GALNT18: variants seen among roughly 807,000 people sequenced by gnomAD.
GALNT18 encodes polypeptide N-acetylgalactosaminyltransferase 18.
GALNT18 carries 44 observed loss-of-function variants against 69.5 expected under a neutral mutation model. The observed-to-expected ratio is 0.63, with a 90% CI of 0.50 to 0.81. The LOEUF (loss-of-function observed/expected upper bound fraction) is 0.81. Among genes scored for constraint, GALNT18 ranks in the 40% least tolerant of loss-of-function variants. The pLI is 0.00. For missense variants in GALNT18, 715 were observed against 810.0 expected (o/e 0.88, Z 1.42); for synonymous variants, 364 against 318.2 (o/e 1.14, Z -1.53).
chr11:11,367,398 T>C (rs1253057847), intron 6 of GALNT18, among the ~76,000 whole-genome samples: 2 of 152,188 alleles, frequency 1.3e-5, no homozygotes, highest in Non-Finnish European at 2.9e-5. Flanking sequence ...GGGTAAAGCT[T>C]AGATATTCAG....
At chr11:11,422,161 C>T (rs1478839682) in intron 3 of GALNT18, among the ~76,000 whole-genome samples, 1 of 152,206 alleles carries the variant, frequency 6.6e-6, no homozygotes, top group Non-Finnish European at 1.5e-5. Flanking sequence ...GCATTCAATA[C>T]TCAGAGTAGC....
rs1856046853 is a variant in GALNT18 at position 11,461,671 on chromosome 11, A to G, written c.236-12735T>C. Among the ~76,000 whole-genome samples the G allele has an allele frequency of 6.6e-6, 1 of 152,122 alleles. No individual in the cohort carries two copies. The highest frequency in any genetic ancestry group is 2.1e-4 in the South Asian group (1 of 4,828). Reference sequence around the variant, plus strand: ...GTGTTCCCAGTGTTTCCACACATCAATCTATTGGAATGAACAAGCCGGACC... The same window carrying G: ...GTGTTCCCAGTGTTTCCACACATCAGTCTATTGGAATGAACAAGCCGGACC... On this transcript the variant is annotated intron_variant, in intron 1 of 10. Coordinates refer to ENST00000227756, the MANE Select transcript of GALNT18 (RefSeq NM_198516.3). This position sits in a 1 kb window ranked among gnomAD's most constrained non-coding sequence, Gnocchi z 4.1.
rs996859072 is a variant in GALNT18, at chr11:11,430,486, C to A, written c.595+2135G>T. Among the ~76,000 whole-genome samples the A allele has an allele frequency of 2.6e-5, 4 of 152,204 alleles. No individual in the cohort carries two copies. Among genetic ancestry groups the A allele is most frequent in the Admixed American group, 2.0e-4 (3 of 15,290 alleles). On this transcript the variant is annotated intron_variant, in intron 3 of 10. Coordinates refer to ENST00000227756, the MANE Select transcript of GALNT18 (RefSeq NM_198516.3). The surrounding 1 kb of genome is among the most constrained non-coding windows in gnomAD (Gnocchi z 4.9). ...CAAGTACAGCTTTGTGTAACCAACA[C>A]CACAATCAAGATACTTTACTGAACC...
chr11:11,551,080 G>A (rs1280784800), intron 1 of GALNT18, among the ~76,000 whole-genome samples: 6 of 104,776 alleles, frequency 5.7e-5, no homozygotes, highest in South Asian at 3.2e-4. Flanking sequence ...AACTCTATAC[G>A]GTACCAAAAA....
chr11:11,416,979 C>T (rs974702578), intron 3 of GALNT18, among the ~76,000 whole-genome samples: 1 of 152,220 alleles, frequency 6.6e-6, no homozygotes, highest in Non-Finnish European at 1.5e-5. Flanking sequence ...GTGACCCTTC[C>T]TCTATGTGAC....
Position 11,534,231 on chromosome 11 carries a change from G to A in GALNT18, c.236-85295C>T, listed in dbSNP as rs543914805. Among the ~76,000 whole-genome samples the A allele has an allele frequency of 8.5e-5, 13 of 152,292 alleles. 1 individual carries two copies. The highest frequency in any genetic ancestry group is 5.9e-4 in the Admixed American group (9 of 15,302). ...TGGTCAGAACTAACAAACTCCAATG[G>A]TGACTCCTATCGCCAACCTGATGGC... On this transcript the variant is annotated intron_variant, in intron 1 of 10. Coordinates refer to ENST00000227756, the MANE Select transcript of GALNT18 (RefSeq NM_198516.3).
intron 1 of GALNT18, among the ~76,000 whole-genome samples, chr11:11,507,560 AG>A (rs2133908147): frequency 6.6e-6 from 1 of 152,132 alleles, no homozygotes; most frequent in South Asian, 2.1e-4. Context: ...GTTCTTACAT[AG>A]ATCCAAGCTT....
At chr11:11,299,141 G>A (rs762634702) in intron 9 of GALNT18, among the ~76,000 whole-genome samples, 5 of 152,144 alleles carry the variant, frequency 3.3e-5, no homozygotes, top group Non-Finnish European at 7.3e-5. Flanking sequence ...TGCCTAATGT[G>A]TAGGGTTTTT....
At position 11,497,915 on chromosome 11, in the gene GALNT18, A is replaced by G. The variant is rs1334435673; in HGVS notation, c.236-48979T>C. 6.6e-6 allele frequency among the ~76,000 whole-genome samples: 1 copy of G among 152,114 alleles called. No homozygotes were observed. The highest frequency in any genetic ancestry group is 1.5e-5 in the Non-Finnish European group (1 of 68,032). On this transcript the variant is annotated intron_variant, in intron 1 of 10. Transcript: ENST00000227756. The surrounding 1 kb of genome is among the most constrained non-coding windows in gnomAD (Gnocchi z 4.2). ...TCTTTGTTTTCCCTTTTTAAAAATT[A>G]TAATTCATTTTTCAGGCCTTGTTCA...
chr11:11,375,913 C>A (rs943831912), intron 5 of GALNT18, among the ~76,000 whole-genome samples: 1 of 152,082 alleles, frequency 6.6e-6, no homozygotes, highest in Non-Finnish European at 1.5e-5. Context: ...AAGTAATAAT[C>A]CCTGACTTTC....
At position 11,602,805 on chromosome 11, in the gene GALNT18, T is replaced by C. The variant is rs1366042309; in HGVS notation, c.235+18554A>G. 6.6e-6 allele frequency among the ~76,000 whole-genome samples: 1 copy of C among 152,194 alleles called. No homozygotes were observed. Among genetic ancestry groups the C allele is most frequent in the Non-Finnish European group, 1.5e-5 (1 of 68,036 alleles). On this transcript the variant is annotated intron_variant, in intron 1 of 10. Transcript: ENST00000227756. The surrounding 1 kb of genome is among the most constrained non-coding windows in gnomAD (Gnocchi z 4.7). ...TTTAGAGAACAGCTGGCTCTATTGA[T>C]CAGTGCTCTGTTTACTTCACTTTGA...
In GALNT18 at chr11:11,564,222, AC is replaced by A. The variant is rs1858586675; in HGVS notation, c.235+57136del. ...TGTGACTGCAAGTCCCGGGTCCATA[AC>A]CACTGTGCTATACTGCCTTCACCTG... On this transcript the variant is annotated intron_variant, in intron 1 of 10. Transcript: ENST00000227756. This position sits in a 1 kb window ranked among gnomAD's most constrained non-coding sequence, Gnocchi z 4.3. 6.6e-6 allele frequency among the ~76,000 whole-genome samples: 1 copy of A among 152,170 alleles called. No individual in the cohort carries two copies. The highest frequency in any genetic ancestry group is 2.1e-4 in the South Asian group (1 of 4,826).
chr11:11,594,125 T>G (rs930658110), intron 1 of GALNT18, among the ~76,000 whole-genome samples: 10 of 152,186 alleles, frequency 6.6e-5, no homozygotes, highest in African/African-American at 2.4e-4. Flanking sequence ...AGCACAGTAT[T>G]TTTTTAGAAG....
intron 8 of GALNT18, among the ~76,000 whole-genome samples, chr11:11,329,022 T>G (rs1849974995): frequency 1.3e-5 from 2 of 151,482 alleles, no homozygotes; most frequent in South Asian, 4.2e-4. Flanking sequence ...GGTAGTCCAC[T>G]GAAGGAGCTA....
intron 1 of GALNT18, among the ~76,000 whole-genome samples, chr11:11,464,497 C>T (rs1457375758): frequency 6.6e-6 from 1 of 152,200 alleles, no homozygotes; most frequent in African/African-American, 2.4e-5. Context: ...AGATCTAATG[C>T]CATTTCCTCC....
At chr11:11,298,383 AAGAC>A (rs762758459) in intron 9 of GALNT18, among the ~76,000 whole-genome samples, 1 of 152,238 alleles carries the variant, frequency 6.6e-6, no homozygotes, top group Non-Finnish European at 1.5e-5. Context: ...AAAACTTGTG[AAGAC>A]ACTCAGGTAG....
chr11:11,554,486 A>AG lies in GALNT18; in HGVS notation c.235+66872_235+66873insC, dbSNP rs145774909. On this transcript the variant is annotated intron_variant, in intron 1 of 10. Coordinates refer to ENST00000227756, the MANE Select transcript of GALNT18 (RefSeq NM_198516.3). ...CAGCAAGTGTTACTTGAAAAAAAAA[A>AG]TGAGGGGGAGGGATGGGGAGCTAAA... Among the ~76,000 whole-genome samples, 75 of 152,118 alleles carry AG rather than the reference A, an allele frequency of 4.9e-4. No individual in the cohort carries two copies. The East Asian group carries it at 8.9e-3, about 18-fold the overall frequency.
chr11:11,355,546 T>G (rs1048183592), intron 6 of GALNT18, among the ~76,000 whole-genome samples: 1 of 152,078 alleles, frequency 6.6e-6, no homozygotes, highest in Admixed American at 6.5e-5. Flanking sequence ...GTTTGGACAG[T>G]AAATTAAAAT....
intron 3 of GALNT18, among the ~76,000 whole-genome samples, chr11:11,407,355 A>G (rs895574083): frequency 2.6e-5 from 4 of 152,206 alleles, no homozygotes; most frequent in Non-Finnish European, 5.9e-5. Flanking sequence ...ATTAGCAAAC[A>G]TTCCCTTGAG....
Sources: gnomAD v4.1 joint callset for allele counts (sites outside exome capture counted in the v4.1 genomes callset) on GRCh38, gnomAD v4.1.1 for gene constraint, Gnocchi (gnomAD v3.1) non-coding constraint, MANE v1.5 for transcripts, NCBI Gene and HGNC (gene_info 2026-07-23, HGNC 2026-07-21) for gene names.